The following RALYL variants were observed in gnomAD, a reference collection of about 807,000 sequenced individuals.
RALYL encodes RNA-binding Raly-like protein.
RALYL carries 29 observed loss-of-function variants against 35.1 expected under a neutral mutation model. The ratio of observed to expected loss-of-function variants is 0.83; its 90% CI spans 0.61 to 1.13. The LOEUF (loss-of-function observed/expected upper bound fraction) is 1.13. RALYL is among the 50% of genes most tolerant of loss of function. The pLI is 0.00. For missense variants in RALYL, 359 were observed against 360.4 expected (o/e 1.00, Z 0.03); for synonymous variants, 120 against 127.6 (o/e 0.94, Z 0.40).
At chr8:84,540,550 T>C (rs2059952187) in intron 2 of RALYL, among the ~76,000 whole-genome samples, 3 of 131,238 alleles carry the variant, frequency 2.3e-5, no homozygotes, top group Admixed American at 7.7e-5. Flanking sequence ...AATCAACCCA[T>C]CATGATAAAA....
intron 1 of RALYL, among the ~76,000 whole-genome samples, chr8:84,462,269 G>T (rs2050889588): frequency 1.3e-5 from 2 of 151,116 alleles, no homozygotes; most frequent in Admixed American, 1.3e-4. Flanking sequence ...CAGATATTTT[G>T]TCCATGTTTT....
At chr8:84,766,530 A>AAAATAAATAAAT (rs10695999) in intron 2 of RALYL, among the ~76,000 whole-genome samples, 1,615 of 125,020 alleles carry the variant, frequency 0.013, 20 homozygotes, top group East Asian at 0.026. Flanking sequence ...CATCTCTACT[A>AAAATAAATAAAT]AAATAAATAA....
chr8:84,226,416 T>C (rs1023775969), intron 1 of RALYL, among the ~76,000 whole-genome samples: 1 of 152,222 alleles, frequency 6.6e-6, no homozygotes, highest in African/African-American at 2.4e-5. Flanking sequence ...TGTTTTGTTT[T>C]GTTTTTTGAA....
intron 1 of RALYL, among the ~76,000 whole-genome samples, chr8:84,468,693 C>T (rs1187648092): frequency 1.3e-5 from 2 of 150,164 alleles, no homozygotes; most frequent in African/African-American, 4.9e-5. Context: ...GTTGGCCTGC[C>T]TTGCTAGACT....
At chr8:84,598,761 C>G (rs1232986355) in intron 2 of RALYL, among the ~76,000 whole-genome samples, 15 of 152,230 alleles carry the variant, frequency 9.9e-5, no homozygotes, top group Admixed American at 9.2e-4. Flanking sequence ...ATCTTTTCTA[C>G]TATGAATAAT....
At chr8:84,621,618 T>A (rs1170224989) in intron 2 of RALYL, among the ~76,000 whole-genome samples, 1 of 152,168 alleles carries the variant, frequency 6.6e-6, no homozygotes, top group Non-Finnish European at 1.5e-5. Context: ...TCTTGGCTCC[T>A]CCCCCGACTA....
intron 1 of RALYL, among the ~76,000 whole-genome samples, chr8:84,310,781 C>T (rs1842624052): frequency 7.2e-6 from 1 of 138,168 alleles, no homozygotes; most frequent in African/African-American, 2.9e-5. Context: ...GGTGCGGTGG[C>T]TCACGCCTGT....
At chr8:84,845,092 C>G (rs1834339991) in intron 4 of RALYL, among the ~76,000 whole-genome samples, 5 of 152,026 alleles carry the variant, frequency 3.3e-5, no homozygotes, top group Admixed American at 2.6e-4. Flanking sequence ...ACGTTGTGCA[C>G]AAGTACCCTA....
chr8:84,199,365 G>A (rs1004403832), intron 1 of RALYL, among the ~76,000 whole-genome samples: 4 of 152,058 alleles, frequency 2.6e-5, no homozygotes, highest in African/African-American at 9.7e-5. Context: ...TTCCTATAGA[G>A]TTGTTTGAGC....
At chr8:84,271,299 T>C (rs566343005) in intron 1 of RALYL, among the ~76,000 whole-genome samples, 1 of 152,130 alleles carries the variant, frequency 6.6e-6, no homozygotes, top group Admixed American at 6.6e-5. Context: ...ATACTCAACA[T>C]CATTAGGCAT....
At chr8:84,754,752 T>A (rs1309734278) in intron 2 of RALYL, among the ~76,000 whole-genome samples, 1 of 152,046 alleles carries the variant, frequency 6.6e-6, no homozygotes, top group Non-Finnish European at 1.5e-5. Context: ...GACAGAGAGA[T>A]GAGGAGGAAT....
At chr8:84,820,468 A>C (rs183720804) in intron 4 of RALYL, among the ~76,000 whole-genome samples, 1 of 152,338 alleles carries the variant, frequency 6.6e-6, no homozygotes, top group East Asian at 1.9e-4. Context: ...ATTAATGTAC[A>C]CAGCCAGCAC....
chr8:84,619,274 G>T (rs1348619487), intron 2 of RALYL, among the ~76,000 whole-genome samples: 3 of 151,904 alleles, frequency 2.0e-5, no homozygotes, highest in South Asian at 2.1e-4. Flanking sequence ...GAATCTGGGT[G>T]CTCCGTGTTG....
intron 2 of RALYL, among the ~76,000 whole-genome samples, chr8:84,644,667 G>T (rs993040144): frequency 3.3e-5 from 5 of 151,714 alleles, no homozygotes; most frequent in Non-Finnish European, 2.9e-5. Context: ...GTATTATCTT[G>T]TCTGTTAAAC....
At chr8:84,434,601 TC>T (rs1563924942) in intron 1 of RALYL, among the ~76,000 whole-genome samples, 1 of 152,194 alleles carries the variant, frequency 6.6e-6, no homozygotes, top group Non-Finnish European at 1.5e-5. Context: ...ATAACGTTTT[TC>T]TTTAAAAGCA....
intron 2 of RALYL, among the ~76,000 whole-genome samples, chr8:84,709,936 C>T (rs1841888549): frequency 6.6e-6 from 1 of 152,048 alleles, no homozygotes. Context: ...TGGCAGACAC[C>T]TATAATCCCA....
intron 4 of RALYL, among the ~76,000 whole-genome samples, chr8:84,840,310 T>G (rs749985505): frequency 2.6e-4 from 40 of 152,160 alleles, no homozygotes; most frequent in Non-Finnish European, 4.6e-4. Flanking sequence ...GCACCAGAAC[T>G]ACGTGATGAA....
chr8:84,218,230 T>C (rs1313280194), intron 1 of RALYL, among the ~76,000 whole-genome samples: 1 of 152,014 alleles, frequency 6.6e-6, no homozygotes, highest in African/African-American at 2.4e-5. Flanking sequence ...TTTAAGTCTT[T>C]GTAGAGAGTA....
At chr8:84,843,895 T>G (rs1227735918) in intron 4 of RALYL, among the ~76,000 whole-genome samples, 3 of 152,174 alleles carry the variant, frequency 2.0e-5, no homozygotes, top group Non-Finnish European at 4.4e-5. Context: ...TAAATGGTGC[T>G]GGGAAAACTG....
Sources: gnomAD v4.1 joint callset for allele counts (sites outside exome capture counted in the v4.1 genomes callset) on GRCh38, gnomAD v4.1.1 for gene constraint, MANE v1.5 for transcripts, NCBI Gene and HGNC (gene_info 2026-07-23, HGNC 2026-07-21) for gene names.